Variants in TOM1 observed in about 807,000 individuals in gnomAD.
TOM1 encodes the protein target of myb1 membrane trafficking protein.
TOM1 carries 38 observed loss-of-function variants against 61.3 expected under a neutral mutation model. The ratio of observed to expected loss-of-function variants is 0.62; its 90% CI spans 0.48 to 0.81. The LOEUF (loss-of-function observed/expected upper bound fraction) is 0.81. Among genes scored for constraint, TOM1 ranks in the 40% least tolerant of loss-of-function variants. The probability of loss-of-function intolerance (pLI) is 0.00; values close to 1 mark genes in which losing one functional copy is unlikely to be tolerated. For missense variants in TOM1, 591 were observed against 659.6 expected (o/e 0.90, Z 1.14); for synonymous variants, 270 against 268.8 (o/e 1.00, Z -0.04).
chr22:35,310,577 G>T (rs78379716), intron 1 of TOM1, among the ~76,000 whole-genome samples: 1 of 152,230 alleles, frequency 6.6e-6, no homozygotes, highest in Admixed American at 6.5e-5. Context: ...TCAGAGGATT[G>T]CAAGTTGGAA....
At chr22:35,343,910 T>C (rs2145731272) in intron 12 of TOM1, among the ~76,000 whole-genome samples, 3 of 135,856 alleles carry the variant, frequency 2.2e-5, no homozygotes, top group African/African-American at 2.8e-5. Context: ...CACACACCCC[T>C]ACACACACCA....
At chr22:35,307,757 G>T (rs867138237) in intron 1 of TOM1, among the ~76,000 whole-genome samples, 2 of 152,192 alleles carry the variant, frequency 1.3e-5, no homozygotes, top group Admixed American at 6.5e-5. Context: ...GAACCAGCCA[G>T]ACCACAGGGG....
chr22:35,319,562 A>G (rs1927594457), intron 2 of TOM1, among the ~76,000 whole-genome samples: 1 of 152,208 alleles, frequency 6.6e-6, no homozygotes, highest in African/African-American at 2.4e-5. Flanking sequence ...GCGTCCAACA[A>G]GGACGCTGTC....
At position 35,347,203 on chromosome 22, in the gene TOM1, C is replaced by T; in HGVS notation, c.1473C>T (p.Ala491=). ...AGAAAGATGATGACATGCTGTTTGC[C>T]TTATGAGTGTGGGGTCTGGCACCCT... The part of the protein sequence containing the change: ...TQEKDDDMLF[A]L The change falls in exon 15 of 15, where the codon GCC becomes GCT. Residue 491 remains alanine (A), a synonymous_variant. Coordinates refer to ENST00000449058, the MANE Select transcript of TOM1 (RefSeq NM_005488.3). The T allele has an allele frequency of 1.2e-6, 2 of 1,607,652 alleles. No individual in the cohort carries two copies.
chr22:35,316,916 T>C (rs1022281035), intron 1 of TOM1, among the ~76,000 whole-genome samples: 2 of 152,088 alleles, frequency 1.3e-5, no homozygotes, highest in African/African-American at 4.8e-5. Flanking sequence ...TTTGGGGTAG[T>C]TCTGCTGGGT....
intron 2 of TOM1, 176 bp from the exon 3 acceptor site, chr22:35,321,783 C>T (rs1380322538): frequency 9.7e-6 from 7 of 723,040 alleles, no homozygotes; most frequent in Admixed American, 4.0e-5. Flanking sequence ...GGTTGTGAGT[C>T]CCTGCTAAGC....
chr22:35,333,371 C>T (rs549278938), intron 9 of TOM1, 33 bp from the exon 10 acceptor site: 3 of 1,593,608 alleles, frequency 1.9e-6, no homozygotes, highest in Non-Finnish European at 2.6e-6. Flanking sequence ...CTGCAGACAG[C>T]GGGGATGATC....
In TOM1 at chr22:35,304,183, C is replaced by T. The variant is rs117811343; in HGVS notation, c.52+4203C>T. 1.2e-3 allele frequency among the ~76,000 whole-genome samples: 178 copies of T among 152,282 alleles called. 3 individuals are homozygous for T. In the East Asian group the frequency reaches 0.032, roughly 28 times the overall value. ...ATCCAGACCCAGGTCTTCTTTTGTA[C>T]CCTCACCACACTGCCTCGAGCTGCC... On this transcript the variant is annotated intron_variant, in intron 1 of 14. Transcript: ENST00000449058.
Position 35,299,924 on chromosome 22 carries a change from C to T in TOM1, c.-5C>T, listed in dbSNP as rs777760954. On this transcript the variant is annotated 5_prime_UTR_variant, in exon 1 of 15. Coordinates refer to ENST00000449058, the MANE Select transcript of TOM1 (RefSeq NM_005488.3). The stretch of plus-strand genomic sequence containing the variant: ...CCGGGGTTGGTGGCAGCGGCGGTAG[C>T]AGCAATGGACTTTCTCCTGGGGAAC... The T allele has an allele frequency of 3.2e-5, 51 of 1,580,732 alleles. No homozygotes were observed. Among genetic ancestry groups the T allele is most frequent in the Non-Finnish European group, 4.0e-5 (47 of 1,161,462 alleles).
At chr22:35,325,433 C>T (rs1013297204) in intron 6 of TOM1, among the ~76,000 whole-genome samples, 1 of 152,170 alleles carries the variant, frequency 6.6e-6, no homozygotes, top group Admixed American at 6.5e-5. Context: ...ACGCACTGCC[C>T]GTTTGCCCCA....
chr22:35,305,379 G>A (rs892643409), intron 1 of TOM1, among the ~76,000 whole-genome samples: 9 of 152,228 alleles, frequency 5.9e-5, no homozygotes, highest in Admixed American at 4.6e-4. Context: ...AACTGATGGC[G>A]GGCCAGGCAC....
rs56143758 is a variant in TOM1, at chr22:35,323,313, G to C, written c.366+136G>C. On this transcript the variant is annotated intron_variant, in intron 4 of 14. Coordinates refer to ENST00000449058, the MANE Select transcript of TOM1 (RefSeq NM_005488.3). This position sits in a 1 kb window ranked among gnomAD's most constrained non-coding sequence, Gnocchi z 4.2. ...TTCGGGGCGTCTCGGTTGTCGGCTGGTGGGATGTTCTGTGGGGAGGGAGGC... is the reference window on the plus strand; with the variant it reads ...TTCGGGGCGTCTCGGTTGTCGGCTGCTGGGATGTTCTGTGGGGAGGGAGGC... 48,467 of 1,421,224 alleles carry C rather than the reference G, an allele frequency of 0.034. 1,042 individuals are homozygous for C. The highest frequency in any genetic ancestry group is 0.049 in the South Asian group (4,031 of 82,174). 88.0% of individuals were successfully genotyped at this position (1,421,224 alleles called of 1,614,324 possible). A position where few individuals can be genotyped will look rare whatever the true frequency, so the allele number is the denominator to read the frequency against.
chr22:35,345,647 C>A, intron 12 of TOM1, 78 bp from the exon 13 acceptor site: 2 of 1,495,854 alleles, frequency 1.3e-6, no homozygotes, highest in South Asian at 2.3e-5. Flanking sequence ...CAGGGCCACC[C>A]AGCTGCAGGG....
intron 1 of TOM1, among the ~76,000 whole-genome samples, chr22:35,305,016 G>A (rs1926191451): frequency 6.6e-6 from 1 of 152,182 alleles, no homozygotes; most frequent in Non-Finnish European, 1.5e-5. Context: ...GGGGAAAAGT[G>A]AAAAAGTCAG....
intron 11 of TOM1, 118 bp from the exon 12 acceptor site, chr22:35,338,595 C>A: frequency 1.3e-6 from 1 of 746,572 alleles, no homozygotes. Flanking sequence ...ACCCTTTTTA[C>A]CATTTCCAGG....
intron 12 of TOM1, chr22:35,344,606 A>G (rs1480239968): frequency 2.0e-5 from 3 of 152,244 alleles, no homozygotes; most frequent in Admixed American, 2.0e-4. Flanking sequence ...GCTGCTGGGA[A>G]GTCGGCTCCT....
intron 1 of TOM1, among the ~76,000 whole-genome samples, chr22:35,308,882 T>C (rs770447405): frequency 2.8e-4 from 42 of 152,168 alleles, no homozygotes; most frequent in Non-Finnish European, 4.0e-4. Context: ...AGGGTTTCTC[T>C]TGTGGTTTAT....
Position 35,323,622 on chromosome 22 carries a change from C to T in TOM1, c.493C>T (p.Pro165Ser), listed in dbSNP as rs775987283. The T allele has an allele frequency of 9.9e-6, 16 of 1,614,170 alleles. No individual in the cohort carries two copies. The highest frequency in any genetic ancestry group is 1.3e-5 in the Non-Finnish European group (15 of 1,180,040). ...GGACATGCTGTCACCCATCCACACA[C>T]CCCAGAGGGTGAGAGAACTGCCGTA... ...DLDMLSPIHT[P>S]QRTVFNSETQ... The change falls in exon 5 of 15, where the codon CCC becomes TCC. Residue 165 changes from proline to serine, a missense_variant. Physicochemically the swap from Pro to Ser is moderately conservative, Grantham distance 74 (BLOSUM62 -1). Coordinates refer to ENST00000449058, the MANE Select transcript of TOM1 (RefSeq NM_005488.3). The surrounding 1 kb of genome is among the most constrained non-coding windows in gnomAD (Gnocchi z 4.2).
At chr22:35,307,658 T>C (rs532729611) in intron 1 of TOM1, among the ~76,000 whole-genome samples, 8 of 152,110 alleles carry the variant, frequency 5.3e-5, no homozygotes, top group Non-Finnish European at 1.0e-4. Context: ...GCCTCGCTCC[T>C]GCTGGGGAAG....
Sources: allele counts gnomAD v4.1 joint callset (sites outside exome capture counted in the v4.1 genomes callset), GRCh38; gene constraint gnomAD v4.1.1; non-coding constraint Gnocchi (gnomAD v3.1); transcripts MANE v1.5; gene names NCBI Gene and HGNC (gene_info 2026-07-23, HGNC 2026-07-21).